UBE2K: variants seen among roughly 807,000 people sequenced by gnomAD.
UBE2K encodes ubiquitin conjugating enzyme E2 K, also known as ubiquitin-conjugating enzyme E2 K.
A neutral mutation model predicts 30.0 loss-of-function variants in UBE2K; 6 were observed. That is an observed-to-expected ratio of 0.20 (90% CI 0.11 to 0.39). The LOEUF (loss-of-function observed/expected upper bound fraction) is 0.39, where lower values mean the gene tolerates loss of function less well. UBE2K is among the 10% of genes least tolerant of loss of function. UBE2K has a pLI of 1.00. For synonymous variants in UBE2K, 86 were observed against 83.7 expected (o/e 1.03, Z -0.15); for missense variants, 61 against 241.6 (o/e 0.25, Z 4.96).
At chr4:39,712,068 AGACTATCTCAG>A (rs1483777602) in intron 1 of UBE2K, among the ~76,000 whole-genome samples, 3 of 151,090 alleles carry the variant, frequency 2.0e-5, no homozygotes, top group African/African-American at 2.4e-5. Context: ...ATTTTTTGTA[AGACTATCTCAG>A]GAAAAAAAGA....
At chr4:39,727,114 C>A (rs1404245207) in intron 1 of UBE2K, among the ~76,000 whole-genome samples, 1 of 152,294 alleles carries the variant, frequency 6.6e-6, no homozygotes, top group Non-Finnish European at 1.5e-5. Flanking sequence ...TTCTGACTTA[C>A]CTTTTTACAG....
intron 1 of UBE2K, among the ~76,000 whole-genome samples, chr4:39,735,266 G>A (rs1720315558): frequency 1.3e-5 from 2 of 152,200 alleles, no homozygotes; most frequent in Non-Finnish European, 2.9e-5. Flanking sequence ...CCATAGTGCA[G>A]TGGCACGATC....
chr4:39,764,052 C>T (rs1220028140), intron 4 of UBE2K, among the ~76,000 whole-genome samples: 2 of 152,170 alleles, frequency 1.3e-5, no homozygotes, highest in African/African-American at 4.8e-5. Context: ...AACTAATTTT[C>T]TTACAATTAA....
chr4:39,780,439 G>A lies in UBE2K; in HGVS notation c.*2005G>A, dbSNP rs1276955927. The stretch of plus-strand genomic sequence containing the variant: ...AATTGTCCTGTGGTTAAACAAAGGT[G>A]AGAGAGCTCAGAGGTTTCTAAAGGT... On this transcript the variant is annotated 3_prime_UTR_variant, in exon 7 of 7. Coordinates refer to ENST00000261427, the MANE Select transcript of UBE2K (RefSeq NM_005339.5). 1 of 152,072 alleles carries A rather than the reference G, an allele frequency of 6.6e-6. No homozygotes were observed. Among genetic ancestry groups the A allele is most frequent in the Non-Finnish European group, 1.5e-5 (1 of 67,984 alleles). 9.4% of individuals were successfully genotyped at this position (152,072 alleles called of 1,614,324 possible).
intron 3 of UBE2K, among the ~76,000 whole-genome samples, chr4:39,754,721 G>T (rs970686356): frequency 5.3e-5 from 8 of 152,104 alleles, no homozygotes; most frequent in Non-Finnish European, 4.4e-5. Flanking sequence ...GCCCAGGCTG[G>T]TCTCAAACTC....
At chr4:39,700,290 T>C (rs1397111253) in intron 1 of UBE2K, among the ~76,000 whole-genome samples, 1 of 152,174 alleles carries the variant, frequency 6.6e-6, no homozygotes, top group Non-Finnish European at 1.5e-5. Flanking sequence ...ACGTAAGGGA[T>C]GTTGAAGCCT....
intron 1 of UBE2K, among the ~76,000 whole-genome samples, chr4:39,723,157 C>T (rs1006438532): frequency 6.6e-6 from 1 of 151,822 alleles, no homozygotes; most frequent in East Asian, 1.9e-4. Context: ...AATCCTCCCA[C>T]CTCAGCCTCC....
intron 3 of UBE2K, among the ~76,000 whole-genome samples, chr4:39,750,776 T>C (rs901785389): frequency 3.3e-5 from 5 of 151,820 alleles, no homozygotes; most frequent in Admixed American, 6.6e-5. Flanking sequence ...GACAGGGTCT[T>C]GCTGTGTTGC....
At chr4:39,764,237 C>G (rs1245422629) in intron 4 of UBE2K, among the ~76,000 whole-genome samples, 1 of 152,148 alleles carries the variant, frequency 6.6e-6, no homozygotes, top group Non-Finnish European at 1.5e-5. Context: ...TGCCTGTAGT[C>G]TAAGGTGAGA....
intron 1 of UBE2K, among the ~76,000 whole-genome samples, chr4:39,728,914 G>C (rs1719918317): frequency 6.8e-6 from 1 of 147,032 alleles, no homozygotes; most frequent in East Asian, 2.0e-4. Context: ...TGATCCACCC[G>C]CCTCGGCCTC....
chr4:39,753,350 G>A (rs440105), intron 3 of UBE2K, among the ~76,000 whole-genome samples: 1 of 148,926 alleles, frequency 6.7e-6, no homozygotes, highest in East Asian at 2.1e-4. Flanking sequence ...ACCTTCTCTG[G>A]GGGGGAAAAA....
chr4:39,707,849 AGACT>A (rs753673209), intron 1 of UBE2K, among the ~76,000 whole-genome samples: 37 of 152,092 alleles, frequency 2.4e-4, no homozygotes, highest in Non-Finnish European at 4.9e-4. Context: ...AGGAAAGTTA[AGACT>A]GACCTCAAAT....
chr4:39,716,997 CAA>C (rs71194907), intron 1 of UBE2K, among the ~76,000 whole-genome samples: 9 of 35,064 alleles, frequency 2.6e-4, no homozygotes, highest in African/African-American at 3.0e-4. Context: ...GACTCCATCT[CAA>C]AAAAAAAAAA....
intron 1 of UBE2K, among the ~76,000 whole-genome samples, chr4:39,700,260 A>T (rs1049884391): frequency 3.3e-5 from 5 of 152,174 alleles, no homozygotes; most frequent in African/African-American, 1.2e-4. Context: ...AATGCATATT[A>T]AAAAAACACT....
chr4:39,760,176 C>CAAAAAAAAA (rs71194913), intron 4 of UBE2K, among the ~76,000 whole-genome samples: 90 of 77,142 alleles, frequency 1.2e-3, no homozygotes, highest in African/African-American at 4.5e-3. Flanking sequence ...GACTCTGTCA[C>CAAAAAAAAA]AAAAAAAAAA....
intron 1 of UBE2K, among the ~76,000 whole-genome samples, chr4:39,728,473 GTAT>G (rs1242217851): frequency 6.6e-6 from 1 of 152,058 alleles, no homozygotes; most frequent in Non-Finnish European, 1.5e-5. Context: ...GATGTATTAG[GTAT>G]TATTGTTGAT....
chr4:39,705,112 T>C (rs956592889), intron 1 of UBE2K, among the ~76,000 whole-genome samples: 3 of 151,460 alleles, frequency 2.0e-5, no homozygotes, highest in Admixed American at 1.3e-4. Flanking sequence ...TTGGCCAGGC[T>C]GGTCTCGAGC....
chr4:39,782,112 C>T lies in UBE2K; in HGVS notation c.*3678C>T. On this transcript the variant is annotated 3_prime_UTR_variant, in exon 7 of 7. Coordinates refer to ENST00000261427, the MANE Select transcript of UBE2K (RefSeq NM_005339.5). ...TTACTGCTTCATTGGACTGATACACCCTCATGAACTTGCAATCACCTAAAT... is the reference window on the plus strand; with the variant it reads ...TTACTGCTTCATTGGACTGATACACTCTCATGAACTTGCAATCACCTAAAT... 1 of 394,832 alleles carries T rather than the reference C, an allele frequency of 2.5e-6. No homozygotes were observed. The highest frequency in any genetic ancestry group is 4.5e-6 in the Non-Finnish European group (1 of 223,964). The allele number at this position is 394,832 out of a possible 1,614,324, so 24.5% of individuals were successfully genotyped here.
At chr4:39,769,092 A>G (rs6857873) in intron 4 of UBE2K, among the ~76,000 whole-genome samples, 15,826 of 152,058 alleles carry the variant, frequency 0.1, 1,090 homozygotes, top group East Asian at 0.22. Flanking sequence ...TCAGCCTTCC[A>G]AAGTATTGGG....
Sources: allele counts gnomAD v4.1 joint callset (sites outside exome capture counted in the v4.1 genomes callset), GRCh38; gene constraint gnomAD v4.1.1; transcripts MANE v1.5; gene names NCBI Gene and HGNC (gene_info 2026-07-23, HGNC 2026-07-21).